GABRB3: variants seen among roughly 807,000 people sequenced by gnomAD.
GABRB3 encodes the protein gamma-aminobutyric acid type A receptor subunit beta3, also known as gamma-aminobutyric acid receptor subunit beta-3.
GABRB3 carries 14 observed loss-of-function variants against 52.1 expected under a neutral mutation model. That is an observed-to-expected ratio of 0.27 (90% CI 0.18 to 0.42). The LOEUF (loss-of-function observed/expected upper bound fraction) is 0.42. GABRB3 is among the 10% of genes least tolerant of loss of function. The pLI is 1.00. For missense variants in GABRB3, 307 were observed against 609.1 expected, an observed-to-expected ratio of 0.50 and a Z score of 5.22; for synonymous variants, 260 against 232.3, an observed-to-expected ratio of 1.12 and a Z score of -1.08.
intron 4 of GABRB3, among the ~76,000 whole-genome samples, chr15:26,588,421 T>G (rs1229627765): frequency 6.6e-6 from 1 of 152,202 alleles, no homozygotes; most frequent in Non-Finnish European, 1.5e-5. Flanking sequence ...TATTATTATA[T>G]CCATTGTGCA....
At chr15:26,678,365 T>C (rs1419235783) in intron 3 of GABRB3, among the ~76,000 whole-genome samples, 1 of 152,228 alleles carries the variant, frequency 6.6e-6, no homozygotes, top group East Asian at 1.9e-4. Context: ...AATGTTGTTT[T>C]CCTGGCCTTC....
intron 3 of GABRB3, among the ~76,000 whole-genome samples, chr15:26,686,514 C>T (rs1888410999): frequency 6.6e-6 from 1 of 152,208 alleles, no homozygotes; most frequent in African/African-American, 2.4e-5. Flanking sequence ...CATGCAACTC[C>T]TATCAGAAGG....
At chr15:26,640,587 G>A (rs1893175132) in intron 3 of GABRB3, among the ~76,000 whole-genome samples, 1 of 152,168 alleles carries the variant, frequency 6.6e-6, no homozygotes, top group Non-Finnish European at 1.5e-5. Context: ...CAAGTTAATT[G>A]TACCTTTTCC....
chr15:26,704,176 G>T (rs1271144609), intron 3 of GABRB3, among the ~76,000 whole-genome samples: 3 of 152,214 alleles, frequency 2.0e-5, no homozygotes, highest in Non-Finnish European at 4.4e-5. Context: ...CACTGCCAAG[G>T]CCTAGAGCCA....
chr15:26,681,380 G>A (rs534435696), intron 3 of GABRB3, among the ~76,000 whole-genome samples: 3 of 152,064 alleles, frequency 2.0e-5, no homozygotes, highest in East Asian at 1.9e-4. Context: ...CTGCCCCCCC[G>A]TATGGGAAAG....
At chr15:26,557,162 A>T (rs1290060743) in intron 8 of GABRB3, among the ~76,000 whole-genome samples, 1 of 152,196 alleles carries the variant, frequency 6.6e-6, no homozygotes, top group Non-Finnish European at 1.5e-5. Flanking sequence ...TCCTAAGGTA[A>T]CTAACACAGG....
At chr15:26,647,942 A>G (rs1887061648) in intron 3 of GABRB3, among the ~76,000 whole-genome samples, 1 of 152,222 alleles carries the variant, frequency 6.6e-6, no homozygotes, top group Admixed American at 6.5e-5. Context: ...TAGCAAGTGG[A>G]CAGAAGAAAA....
chr15:26,713,216 G>A (rs1466690473), intron 3 of GABRB3, among the ~76,000 whole-genome samples: 2 of 152,206 alleles, frequency 1.3e-5, no homozygotes, highest in South Asian at 2.1e-4. Context: ...AGTGGGAAAG[G>A]TGTCCCAGGA....
chr15:26,730,807 T>C (rs984264575), intron 3 of GABRB3, among the ~76,000 whole-genome samples: 13 of 152,306 alleles, frequency 8.5e-5, no homozygotes, highest in East Asian at 5.8e-4. Context: ...AATTGCTCAA[T>C]CCAAATACAC....
chr15:26,566,676 T>C (rs1334844448), intron 7 of GABRB3, among the ~76,000 whole-genome samples: 1 of 152,022 alleles, frequency 6.6e-6, no homozygotes, highest in Admixed American at 6.6e-5. Context: ...CAGTGAGCCG[T>C]AATCGCAATT....
intron 4 of GABRB3, among the ~76,000 whole-genome samples, chr15:26,591,052 G>A (rs1595465230): frequency 6.6e-6 from 1 of 152,288 alleles, no homozygotes; most frequent in Non-Finnish European, 1.5e-5. Flanking sequence ...CAGGACTGAG[G>A]TGACCATTCA....
intron 4 of GABRB3, among the ~76,000 whole-genome samples, chr15:26,619,839 C>A (rs1460818020): frequency 6.6e-6 from 1 of 151,774 alleles, no homozygotes; most frequent in African/African-American, 2.4e-5. Flanking sequence ...ACAACACACA[C>A]ATTACCACAC....
chr15:26,599,400 A>C (rs181029719), intron 4 of GABRB3, among the ~76,000 whole-genome samples: 19 of 152,234 alleles, frequency 1.2e-4, no homozygotes, highest in Admixed American at 1.2e-3. Flanking sequence ...CCCCACCTAA[A>C]CTCAGGGCCT....
intron 3 of GABRB3, among the ~76,000 whole-genome samples, chr15:26,677,454 G>A (rs927040840): frequency 6.6e-6 from 1 of 152,098 alleles, no homozygotes; most frequent in African/African-American, 2.4e-5. Flanking sequence ...AATACAGGAA[G>A]CCAAGGGCTC....
chr15:26,760,809 G>GCGCACACACACACACACA (rs371524450), intron 3 of GABRB3, among the ~76,000 whole-genome samples: 15 of 149,398 alleles, frequency 1.0e-4, no homozygotes, highest in Non-Finnish European at 1.3e-4. Flanking sequence ...ACACGCGCAC[G>GCGCACACACACACACACA]CACACACACA....
chr15:26,772,584 C>G, intron 2 of GABRB3, 97 bp downstream of exon 2: 1 of 1,429,346 alleles, frequency 7.0e-7, no homozygotes, highest in East Asian at 2.8e-5. Flanking sequence ...CACTCCCACC[C>G]GCCGCTGCTC....
intron 3 of GABRB3, among the ~76,000 whole-genome samples, chr15:26,693,041 T>C (rs564101881): frequency 2.0e-5 from 3 of 152,166 alleles, no homozygotes; most frequent in Admixed American, 2.0e-4. Context: ...CAGGAAGATC[T>C]CTCCCGCTCC....
At chr15:26,772,835 C>A (rs1444740218) in intron 1 of GABRB3, 48 bp downstream of exon 1, 8 of 1,453,834 alleles carry the variant, frequency 5.5e-6, no homozygotes, top group South Asian at 1.4e-5. Context: ...CAGCGCCCCG[C>A]GCACCCCGCG....
chr15:26,638,818 C>A (rs74004625), intron 3 of GABRB3, among the ~76,000 whole-genome samples: 2,512 of 152,236 alleles, frequency 0.017, 79 homozygotes, highest in African/African-American at 0.058. Flanking sequence ...TCAGAAAATT[C>A]TATTTCCTGA....
Sources: allele counts gnomAD v4.1 joint callset (sites outside exome capture counted in the v4.1 genomes callset), GRCh38; gene constraint gnomAD v4.1.1; transcripts MANE v1.5; gene names NCBI Gene and HGNC (gene_info 2026-07-23, HGNC 2026-07-21).